The following LAMP1 variants were observed in gnomAD, a reference collection of about 807,000 sequenced individuals.
The protein encoded by LAMP1 is lysosome-associated membrane glycoprotein 1.
LAMP1 carries 7 observed loss-of-function variants against 37.5 expected under a neutral mutation model. The ratio of observed to expected loss-of-function variants is 0.19; its 90% CI spans 0.11 to 0.35. The LOEUF (loss-of-function observed/expected upper bound fraction) is 0.35, where lower values mean the gene tolerates loss of function less well. LAMP1 is among the 10% of genes least tolerant of loss of function. The pLI, the probability that LAMP1 is intolerant of heterozygous loss-of-function variation, is 1.00. For synonymous variants in LAMP1, 236 were observed against 229.1 expected (o/e 1.03, Z -0.27); for missense variants, 537 against 552.8 (o/e 0.97, Z 0.29).
At chr13:113,317,793 C>T (rs2042674633) in intron 4 of LAMP1, among the ~76,000 whole-genome samples, 1 of 151,936 alleles carries the variant, frequency 6.6e-6, no homozygotes, top group Non-Finnish European at 1.5e-5. Flanking sequence ...CTCCAGTGAC[C>T]CTCCCTAGTC....
In LAMP1 at chr13:113,323,427, TG is replaced by T. The variant is rs964489002; in HGVS notation, c.*1010del. The T allele has an allele frequency of 5.3e-5, 8 of 151,768 alleles. No individual in the cohort carries two copies. The East Asian group carries it at 7.8e-4, about 15-fold the overall frequency. 9.4% of individuals were successfully genotyped at this position (151,768 alleles called of 1,614,324 possible). On this transcript the variant is annotated 3_prime_UTR_variant, in exon 9 of 9. Transcript: ENST00000332556. ...ATGTAATAAAAAGCCTCTTTCTTTT[TG>T]GGGTGGGCCTTGTCCTTCTGTCAGC...
intron 1 of LAMP1, among the ~76,000 whole-genome samples, chr13:113,300,092 G>C (rs1410150904): frequency 1.3e-5 from 2 of 152,232 alleles, no homozygotes; most frequent in African/African-American, 4.8e-5. Context: ...AGGATTAGCT[G>C]TGATTGCGTA....
chr13:113,317,876 A>C (rs1331689842), intron 4 of LAMP1, among the ~76,000 whole-genome samples: 1 of 152,000 alleles, frequency 6.6e-6, no homozygotes, highest in Non-Finnish European at 1.5e-5. Flanking sequence ...CTTTGTGGAG[A>C]TGGGGGTCTC....
chr13:113,320,640 CATTCCATT>C lies in LAMP1; in HGVS notation c.876+171_876+178del. 2.0e-5 allele frequency: 13 copies of C among 657,870 alleles called. No individual in the cohort carries two copies. In the South Asian group the frequency reaches 2.6e-4, roughly 13 times the overall value. The allele number at this position is 657,870 out of a possible 1,614,324, so 40.8% of individuals were successfully genotyped here. A position where few individuals can be genotyped will look rare whatever the true frequency, so the allele number is the denominator to read the frequency against. On this transcript the variant is annotated intron_variant, in intron 6 of 8. Transcript: ENST00000332556. This position sits in a 1 kb window ranked among gnomAD's most constrained non-coding sequence, Gnocchi z 4.4. ...TTCCTTGGTTCCCCTCCCCCCTTTC[CATTCCATT>C]CATAGATGCAGCAGATGATGTGGGC...
chr13:113,311,980 C>G (rs1178006958), intron 4 of LAMP1, among the ~76,000 whole-genome samples: 1 of 152,138 alleles, frequency 6.6e-6, no homozygotes, highest in African/African-American at 2.4e-5. Flanking sequence ...ATGGAGACAT[C>G]CCTTAGGGTG....
chr13:113,322,211 G>A (rs1300976903), intron 8 of LAMP1, 71 bp from the exon 9 acceptor site: 2 of 1,512,534 alleles, frequency 1.3e-6, no homozygotes, highest in Non-Finnish European at 1.8e-6. Context: ...GTGGGGGAGT[G>A]GTGGGGAGAG....
At chr13:113,299,717 C>T (rs536689702) in intron 1 of LAMP1, among the ~76,000 whole-genome samples, 7 of 151,750 alleles carry the variant, frequency 4.6e-5, no homozygotes, top group East Asian at 3.9e-4. Flanking sequence ...TACAGGTGCG[C>T]GCCACCATGC....
At chr13:113,309,053 A>C (rs563147487) in intron 2 of LAMP1, among the ~76,000 whole-genome samples, 64 of 152,326 alleles carry the variant, frequency 4.2e-4, no homozygotes, top group African/African-American at 1.4e-3. Flanking sequence ...CAATTTCAAG[A>C]CGCTTTAAAT....
At chr13:113,315,987 C>T (rs530962186) in intron 4 of LAMP1, among the ~76,000 whole-genome samples, 1 of 152,208 alleles carries the variant, frequency 6.6e-6, no homozygotes, top group African/African-American at 2.4e-5. Context: ...CCTGTAGTCC[C>T]CCCTACTCAG....
At chr13:113,301,221 A>C (rs908324524) in intron 1 of LAMP1, among the ~76,000 whole-genome samples, 3 of 152,080 alleles carry the variant, frequency 2.0e-5, no homozygotes, top group Non-Finnish European at 1.5e-5. Context: ...AGCGAGGCAC[A>C]GTGGCTCATG....
chr13:113,313,815 A>G (rs1176453297), intron 4 of LAMP1, among the ~76,000 whole-genome samples: 14 of 76,678 alleles, frequency 1.8e-4, no homozygotes, highest in Admixed American at 9.7e-4. Flanking sequence ...TGGAGATGTC[A>G]GTGTGCCTGG....
At chr13:113,312,517 C>G (rs1465527007) in intron 4 of LAMP1, among the ~76,000 whole-genome samples, 2 of 152,170 alleles carry the variant, frequency 1.3e-5, no homozygotes. Flanking sequence ...TGAAAAGGAG[C>G]CCAACTTGGA....
chr13:113,299,498 C>T (rs1006168304), intron 1 of LAMP1, among the ~76,000 whole-genome samples: 3 of 151,526 alleles, frequency 2.0e-5, no homozygotes, highest in East Asian at 1.9e-4. Flanking sequence ...CTCCCGACCT[C>T]GTGATCCGCC....
At chr13:113,298,943 C>T (rs1221714754) in intron 1 of LAMP1, among the ~76,000 whole-genome samples, 3 of 152,350 alleles carry the variant, frequency 2.0e-5, no homozygotes, top group Non-Finnish European at 2.9e-5. Context: ...GAGTTCGAGA[C>T]CAGCCTGGCC....
At chr13:113,307,346 C>A (rs574863228) in intron 2 of LAMP1, among the ~76,000 whole-genome samples, 1 of 151,090 alleles carries the variant, frequency 6.6e-6, no homozygotes, top group Non-Finnish European at 1.5e-5. Context: ...TTGGTAGAGA[C>A]GGGGTTTCAC....
At chr13:113,312,547 A>G (rs1371971310) in intron 4 of LAMP1, among the ~76,000 whole-genome samples, 1 of 152,158 alleles carries the variant, frequency 6.6e-6, no homozygotes, top group Non-Finnish European at 1.5e-5. Context: ...TGTGACTGGG[A>G]CTTGATGGGG....
In LAMP1 at chr13:113,312,041, C is replaced by T. The variant is rs1006512775; in HGVS notation, c.562+1174C>T. Among the ~76,000 whole-genome samples the T allele has an allele frequency of 2.6e-5, 4 of 152,296 alleles. No homozygotes were observed. In the East Asian group the frequency reaches 7.7e-4, roughly 29 times the overall value. On this transcript the variant is annotated intron_variant, in intron 4 of 8. Coordinates refer to ENST00000332556, the MANE Select transcript of LAMP1 (RefSeq NM_005561.4). ...TGGAGACATCACAGCCTTCTCTAAT[C>T]TTGAGAGCTACTGTGGAGACCTTTG...
Position 113,300,486 on chromosome 13 carries a change from CAAAAAAA to C in LAMP1, c.61+3004_61+3010del, listed in dbSNP as rs781688099. ...GGGCAACAAAATCGAAACTCAATGT[CAAAAAAA>C]AAAAAAAAAAAAGAAAAAGAAAAGA... On this transcript the variant is annotated intron_variant, in intron 1 of 8. Transcript: ENST00000332556. Among the ~76,000 whole-genome samples the C allele has an allele frequency of 5.7e-3, 344 of 60,272 alleles. 1 individual carries two copies. The highest frequency in any genetic ancestry group is 0.013 in the African/African-American group (253 of 19,458). 39.5% of individuals were successfully genotyped at this position (60,272 alleles called of 152,430 possible). A position where few individuals can be genotyped will look rare whatever the true frequency, so the allele number is the denominator to read the frequency against.
intron 4 of LAMP1, among the ~76,000 whole-genome samples, chr13:113,315,452 C>T (rs2042658076): frequency 7.5e-6 from 1 of 132,770 alleles, no homozygotes; most frequent in Non-Finnish European, 1.5e-5. Context: ...TGCGGTGGTG[C>T]CATCTCGGCT....
Sources: allele counts gnomAD v4.1 joint callset (sites outside exome capture counted in the v4.1 genomes callset), GRCh38; gene constraint gnomAD v4.1.1; non-coding constraint Gnocchi (gnomAD v3.1); transcripts MANE v1.5; gene names NCBI Gene and HGNC (gene_info 2026-07-23, HGNC 2026-07-21).